CPPED1: variants seen among roughly 807,000 people sequenced by gnomAD.
CPPED1 encodes the protein serine/threonine-protein phosphatase CPPED1.
A neutral mutation model predicts 28.0 loss-of-function variants in CPPED1; 28 were observed. The observed-to-expected ratio is 1.00, with a 90% confidence interval of 0.74 to 1.37. The LOEUF is 1.37. Ranked by LOEUF, CPPED1 falls within the 40% of genes most tolerant of loss-of-function variation. The probability of loss-of-function intolerance (pLI) is 0.00; values close to 1 mark genes in which losing one functional copy is unlikely to be tolerated. For synonymous variants in CPPED1, 198 were observed against 180.2 expected, an observed-to-expected ratio of 1.10 and a Z score of -0.79; for missense variants, 504 against 416.5, an observed-to-expected ratio of 1.21 and a Z score of -1.83.
At chr16:12,738,441 GCACA>G (rs138060223) in intron 2 of CPPED1, among the ~76,000 whole-genome samples, 1 of 150,790 alleles carries the variant, frequency 6.6e-6, no homozygotes, top group African/African-American at 2.4e-5. Flanking sequence ...ACACACTCGC[GCACA>G]CACACACACC....
chr16:12,708,610 G>A (rs2080063952), intron 2 of CPPED1, among the ~76,000 whole-genome samples: 1 of 152,142 alleles, frequency 6.6e-6, no homozygotes, highest in Non-Finnish European at 1.5e-5. Flanking sequence ...TAAGAATCTG[G>A]AAATAAAAGA....
intron 3 of CPPED1, among the ~76,000 whole-genome samples, chr16:12,685,030 G>A (rs2079925466): frequency 1.3e-5 from 2 of 152,304 alleles, no homozygotes; most frequent in East Asian, 1.9e-4. Flanking sequence ...CCTTACTCAC[G>A]ACAGGGTGGA....
chr16:12,723,406 G>A (rs2141199838), intron 2 of CPPED1, among the ~76,000 whole-genome samples: 1 of 152,298 alleles, frequency 6.6e-6, no homozygotes, highest in East Asian at 1.9e-4. Flanking sequence ...CTCCAACAAG[G>A]TAAGTAAGTT....
chr16:12,702,233 G>A (rs984696686), intron 3 of CPPED1, among the ~76,000 whole-genome samples: 2 of 151,934 alleles, frequency 1.3e-5, no homozygotes, highest in African/African-American at 4.8e-5. Flanking sequence ...CTTGGTGGGT[G>A]GTCAACAGGC....
At chr16:12,689,820 GAACCCAC>G (rs1365015641) in intron 3 of CPPED1, among the ~76,000 whole-genome samples, 1 of 152,124 alleles carries the variant, frequency 6.6e-6, no homozygotes, top group African/African-American at 2.4e-5. Context: ...AATCTGAAAA[GAACCCAC>G]AGTGATGCTC....
rs145719451 is a variant in CPPED1 at position 12,781,921 on chromosome 16, G to A, written c.71-518C>T. Among the ~76,000 whole-genome samples, 675 of 152,168 alleles carry A rather than the reference G, an allele frequency of 4.4e-3. 18 individuals are homozygous for A. Among genetic ancestry groups the A allele is most frequent in the Middle Eastern group, 0.017 (5 of 292 alleles). ...GCTTGGAAGCTCTGGCTATCTGGTG[G>A]GAGGTGTGGTGCCAGAAATGAAATC... On this transcript the variant is annotated intron_variant, in intron 1 of 3. Coordinates refer to ENST00000381774, the MANE Select transcript of CPPED1 (RefSeq NM_018340.3).
intron 2 of CPPED1, among the ~76,000 whole-genome samples, chr16:12,708,480 T>A (rs116874307): frequency 0.022 from 3,344 of 152,128 alleles, 58 homozygotes; most frequent in East Asian, 0.1. Context: ...CCACATCCCA[T>A]CCCCCTAAAT....
chr16:12,733,546 A>G (rs1272802395), intron 2 of CPPED1, among the ~76,000 whole-genome samples: 2 of 152,180 alleles, frequency 1.3e-5, no homozygotes, highest in Non-Finnish European at 2.9e-5. Context: ...AAGTGCTGGG[A>G]TTACAGGTGT....
intron 3 of CPPED1, among the ~76,000 whole-genome samples, chr16:12,673,903 G>T (rs1470808980): frequency 2.6e-5 from 4 of 151,976 alleles, no homozygotes; most frequent in African/African-American, 9.7e-5. Flanking sequence ...TATCAAATCA[G>T]CCAGGCATGG....
chr16:12,664,980 G>C lies in CPPED1; in HGVS notation c.851C>G (p.Thr284Ser). The C allele has an allele frequency of 6.2e-7, 1 of 1,611,320 alleles. No individual in the cohort carries two copies. Among genetic ancestry groups the C allele is most frequent in the Non-Finnish European group, 8.5e-7 (1 of 1,179,062 alleles). The change falls in exon 4 of 4, where the codon ACC becomes AGC. Residue 284 changes from threonine to serine, a missense_variant. Physicochemically the swap from Thr to Ser is moderately conservative, Grantham distance 58. Coordinates refer to ENST00000381774, the MANE Select transcript of CPPED1 (RefSeq NM_018340.3). This position sits in a 1 kb window ranked among gnomAD's most constrained non-coding sequence, Gnocchi z 4.2. ...DPHGLRVVVV[T>S]AEKIVHRYYS... ...GTATCGGTGAACAATTTTCTCGGCG[G>C]TGACCACCACGACTCGGAGCCCGTG...
At chr16:12,688,764 G>T (rs533169485) in intron 3 of CPPED1, among the ~76,000 whole-genome samples, 33 of 152,228 alleles carry the variant, frequency 2.2e-4, no homozygotes, top group African/African-American at 7.7e-4. Flanking sequence ...TGTCTCCAAG[G>T]AACACGTGGG....
At chr16:12,687,665 G>A (rs972433300) in intron 3 of CPPED1, among the ~76,000 whole-genome samples, 3 of 152,158 alleles carry the variant, frequency 2.0e-5, no homozygotes, top group Non-Finnish European at 1.5e-5. Context: ...CAGCTACTCG[G>A]AAGGCTGAGG....
At chr16:12,791,113 T>C (rs895555560) in intron 1 of CPPED1, among the ~76,000 whole-genome samples, 1 of 151,480 alleles carries the variant, frequency 6.6e-6, no homozygotes, top group Non-Finnish European at 1.5e-5. Context: ...GTTTGTTACA[T>C]AGGTATACAT....
At chr16:12,776,630 G>A (rs183594208) in intron 2 of CPPED1, among the ~76,000 whole-genome samples, 82 of 152,220 alleles carry the variant, frequency 5.4e-4, no homozygotes, top group Admixed American at 3.3e-3. Flanking sequence ...CATATAAGAT[G>A]TGCCTTTCAG....
At chr16:12,799,747 G>A (rs2080648063) in intron 1 of CPPED1, among the ~76,000 whole-genome samples, 1 of 152,190 alleles carries the variant, frequency 6.6e-6, no homozygotes, top group South Asian at 2.1e-4. Context: ...ACCTAGTAAT[G>A]TGAACCCACA....
chr16:12,709,654 T>C lies in CPPED1; in HGVS notation c.290-4605A>G, dbSNP rs2080069409. On this transcript the variant is annotated intron_variant, in intron 2 of 3. Coordinates refer to ENST00000381774, the MANE Select transcript of CPPED1 (RefSeq NM_018340.3). The surrounding 1 kb of genome is among the most constrained non-coding windows in gnomAD (Gnocchi z 4.4). Reference sequence around the variant, plus strand: ...GTTTTCCAAATAGCCTTAAAATACATTGTCTAATAAAATCTCTTTGTGAGT... The same window carrying C: ...GTTTTCCAAATAGCCTTAAAATACACTGTCTAATAAAATCTCTTTGTGAGT... Among the ~76,000 whole-genome samples, 1 of 152,168 alleles carries C rather than the reference T, an allele frequency of 6.6e-6. No individual in the cohort carries two copies. Among genetic ancestry groups the C allele is most frequent in the Non-Finnish European group, 1.5e-5 (1 of 68,038 alleles).
chr16:12,729,885 G>C (rs772967171), intron 2 of CPPED1, among the ~76,000 whole-genome samples: 3 of 152,088 alleles, frequency 2.0e-5, no homozygotes, highest in African/African-American at 7.2e-5. Flanking sequence ...TTTTGAGATG[G>C]GAGTCTCACT....
At chr16:12,798,907 CAT>C in intron 1 of CPPED1, among the ~76,000 whole-genome samples, 1 of 152,228 alleles carries the variant, frequency 6.6e-6, no homozygotes, top group African/African-American at 2.4e-5. Context: ...TCAGGTGAGA[CAT>C]GTACAATTTT....
chr16:12,716,400 A>G (rs2080107280), intron 2 of CPPED1, among the ~76,000 whole-genome samples: 1 of 152,258 alleles, frequency 6.6e-6, no homozygotes, highest in Non-Finnish European at 1.5e-5. Flanking sequence ...TTCCAGGACA[A>G]TTACATGCAG....
Sources: allele counts gnomAD v4.1 joint callset (sites outside exome capture counted in the v4.1 genomes callset), GRCh38; gene constraint gnomAD v4.1.1; non-coding constraint Gnocchi (gnomAD v3.1); transcripts MANE v1.5; gene names NCBI Gene and HGNC (gene_info 2026-07-23, HGNC 2026-07-21).